CAMSAP2: variants seen among roughly 807,000 people sequenced by gnomAD.
The protein encoded by CAMSAP2 is calmodulin-regulated spectrin-associated protein 2.
In CAMSAP2, 26 loss-of-function variants were observed where a neutral mutation model predicts 146.1. The ratio of observed to expected loss-of-function variants is 0.18; its 90% CI spans 0.13 to 0.25. The LOEUF (loss-of-function observed/expected upper bound fraction) is 0.25, where lower values mean the gene tolerates loss of function less well. Ranked by LOEUF, CAMSAP2 falls within the 10% of genes least tolerant of loss-of-function variation. The probability of loss-of-function intolerance (pLI) is 1.00; values close to 1 mark genes in which losing one functional copy is unlikely to be tolerated. For synonymous variants in CAMSAP2, 499 were observed against 596.6 expected, an observed-to-expected ratio of 0.84 and a Z score of 2.38; for missense variants, 1,381 against 1,759.3, an observed-to-expected ratio of 0.78 and a Z score of 3.85.
chr1:200,818,472 G>A (rs982255635), intron 4 of CAMSAP2, among the ~76,000 whole-genome samples: 5 of 152,110 alleles, frequency 3.3e-5, no homozygotes, highest in Non-Finnish European at 7.4e-5. Flanking sequence ...TATTTGATTA[G>A]TATACACTTG....
At chr1:200,819,611 C>T in intron 4 of CAMSAP2, among the ~76,000 whole-genome samples, 1 of 152,044 alleles carries the variant, frequency 6.6e-6, no homozygotes, top group East Asian at 1.9e-4. Context: ...CTTGACCTCT[C>T]TGGGCCTTGG....
intron 8 of CAMSAP2, 42 bp from the exon 9 acceptor site, chr1:200,847,168 A>G: frequency 7.0e-7 from 1 of 1,425,700 alleles, no homozygotes; most frequent in Non-Finnish European, 9.7e-7. Context: ...ATTTATATTA[A>G]ACAGCTAAAA....
chr1:200,779,147 A>G lies in CAMSAP2; in HGVS notation c.399+18049A>G, dbSNP rs576241464. ...TTTCCCTATTAATGAATATAGGTCT[A>G]TACCATGATTTTTGAAGGCTGCACA... On this transcript the variant is annotated intron_variant, in intron 2 of 16. Transcript: ENST00000358823. Among the ~76,000 whole-genome samples the G allele has an allele frequency of 1.2e-4, 19 of 152,318 alleles. No individual in the cohort carries two copies. In the South Asian group the frequency reaches 3.9e-3, roughly 32 times the overall value.
chr1:200,816,605 AATATAT>A lies in CAMSAP2; in HGVS notation c.645+976_645+981del, dbSNP rs1185236373. ...GCAAAACTTCATCTCAAAAAAAAAA[AATATAT>A]ATATATATATATATGTATATATATA... On this transcript the variant is annotated intron_variant, in intron 4 of 16. Transcript: ENST00000358823. 3.8e-4 allele frequency among the ~76,000 whole-genome samples: 42 copies of A among 111,194 alleles called. 1 individual carries two copies. The highest frequency in any genetic ancestry group is 0.011 in the Middle Eastern group (2 of 190). 72.9% of individuals were successfully genotyped at this position (111,194 alleles called of 152,430 possible).
chr1:200,827,579 T>A (rs969022632), intron 4 of CAMSAP2, among the ~76,000 whole-genome samples: 5 of 152,138 alleles, frequency 3.3e-5, no homozygotes, highest in Non-Finnish European at 7.4e-5. Flanking sequence ...ATAAGAAAAA[T>A]TTATTGGAAA....
chr1:200,739,721 G>C lies in CAMSAP2; in HGVS notation c.-107G>C. On this transcript the variant is annotated 5_prime_UTR_variant, in exon 1 of 17. Coordinates refer to ENST00000358823, the MANE Select transcript of CAMSAP2 (RefSeq NM_203459.4). This position sits in a 1 kb window ranked among gnomAD's most constrained non-coding sequence, Gnocchi z 4.8. ...CGGCGCCCGGGCGGACATCGCCCGG[G>C]CCCCGATGGTTTGAGCTTGCTTCTC... 1 of 1,175,238 alleles carries C rather than the reference G, an allele frequency of 8.5e-7. No homozygotes were observed. 72.8% of individuals were successfully genotyped at this position (1,175,238 alleles called of 1,614,324 possible).
chr1:200,848,777 A>G lies in CAMSAP2; in HGVS notation c.2008A>G (p.Thr670Ala). The change falls in exon 11 of 17, where the codon ACC (threonine) becomes GCC (alanine). Residue 670 changes from threonine to alanine, a missense_variant. Thr to Ala is a moderately conservative substitution (Grantham distance 58, BLOSUM62 0). This residue lies in a region of CAMSAP2 where 447 missense variants were observed against 462.2 expected (regional missense o/e 0.97). Coordinates refer to ENST00000358823, the MANE Select transcript of CAMSAP2 (RefSeq NM_203459.4). ...ALSPCPSTVS[T>A]KSQPGSSASS... ...GAGTCCTTGTCCAAGTACTGTAAGT[A>G]CCAAGTCTCAGCCAGGCAGCAGTGC... is the stretch of plus-strand genomic sequence containing the variant. The G allele has an allele frequency of 6.2e-7, 1 of 1,614,192 alleles. No homozygotes were observed. Among genetic ancestry groups the G allele is most frequent in the Non-Finnish European group, 8.5e-7 (1 of 1,180,010 alleles).
At chr1:200,781,903 T>G (rs559597244) in intron 2 of CAMSAP2, among the ~76,000 whole-genome samples, 185 of 152,296 alleles carry the variant, frequency 1.2e-3, no homozygotes, top group African/African-American at 4.2e-3. Flanking sequence ...TACATGTCTT[T>G]GATGGCTCAT....
chr1:200,739,827 G>A lies in CAMSAP2; in HGVS notation c.-1G>A, dbSNP rs1228753749. The A allele has an allele frequency of 1.9e-6, 3 of 1,613,456 alleles. No individual in the cohort carries two copies. The South Asian group carries it at 3.3e-5, about 18-fold the overall frequency. On this transcript the variant is annotated 5_prime_UTR_variant, in exon 1 of 17. Transcript: ENST00000358823. The surrounding 1 kb of genome is among the most constrained non-coding windows in gnomAD (Gnocchi z 4.8). ...GACATCCCGAGGAGCCGCGGTGAAA[G>A]ATGGGGGATGCTGCAGACCCCAGGG...
intron 2 of CAMSAP2, among the ~76,000 whole-genome samples, chr1:200,794,453 T>C (rs575956352): frequency 1.3e-5 from 2 of 152,352 alleles, no homozygotes; most frequent in African/African-American, 4.8e-5. Context: ...GAATGTTATT[T>C]AGAAACCATG....
At chr1:200,821,070 A>C (rs191451934) in intron 4 of CAMSAP2, among the ~76,000 whole-genome samples, 2 of 152,098 alleles carry the variant, frequency 1.3e-5, no homozygotes. Context: ...ATTTTAGTTA[A>C]CTGTGAAGAC....
intron 2 of CAMSAP2, among the ~76,000 whole-genome samples, chr1:200,786,695 C>T (rs986093165): frequency 7.2e-5 from 11 of 152,112 alleles, no homozygotes; most frequent in Non-Finnish European, 1.5e-4. Context: ...GCAAGATTTT[C>T]GATGTAGATG....
Position 200,852,557 on chromosome 1 carries a change from A to C in CAMSAP2, c.3482A>C (p.Glu1161Ala). 6.2e-7 allele frequency: 1 copy of C among 1,612,574 alleles called. No homozygotes were observed. Among genetic ancestry groups the C allele is most frequent in the Non-Finnish European group, 8.5e-7 (1 of 1,179,598 alleles). The change falls in exon 12 of 17, where the codon GAA (glutamate) becomes GCA (alanine). Residue 1161 changes from glutamate (E) to alanine (A), a missense_variant. By Grantham distance (107) the Glu-to-Ala change is moderately radical. Transcript: ENST00000358823. ...CGTTCTTAGGATGATCAAAAAGCAG[A>C]AAATGATATGGCAATGAAACGGGCA... ...GFFFKDDQKA[E>A]NDMAMKRAAL...
At position 200,816,860 on chromosome 1, in the gene CAMSAP2, GTGTA is replaced by G. The variant is rs1368151717; in HGVS notation, c.645+1220_645+1223del. Among the ~76,000 whole-genome samples, 2 of 55,870 alleles carry G rather than the reference GTGTA, an allele frequency of 3.6e-5. 1 individual carries two copies. The highest frequency in any genetic ancestry group is 6.1e-5 in the Non-Finnish European group (2 of 32,604). The allele number at this position is 55,870 out of a possible 152,430, so 36.7% of individuals were successfully genotyped here. A position where few individuals can be genotyped will look rare whatever the true frequency, so the allele number is the denominator to read the frequency against. ...TGTATGTGTGTACACACACACGCGT[GTGTA>G]TGTGTGTACACACACACGCGTGTGT... On this transcript the variant is annotated intron_variant, in intron 4 of 16. Coordinates refer to ENST00000358823, the MANE Select transcript of CAMSAP2 (RefSeq NM_203459.4).
chr1:200,781,957 C>T (rs1344950418), intron 2 of CAMSAP2, among the ~76,000 whole-genome samples: 1 of 152,020 alleles, frequency 6.6e-6, no homozygotes. Flanking sequence ...AAGAAATTTC[C>T]TAATTTATTT....
At chr1:200,750,385 A>G (rs2102990862) in intron 1 of CAMSAP2, among the ~76,000 whole-genome samples, 1 of 152,304 alleles carries the variant, frequency 6.6e-6, no homozygotes, top group South Asian at 2.1e-4. Context: ...AAAGATCATC[A>G]AGTTTGGGAG....
intron 1 of CAMSAP2, among the ~76,000 whole-genome samples, chr1:200,752,842 C>T (rs901502298): frequency 2.0e-5 from 3 of 152,034 alleles, no homozygotes; most frequent in Non-Finnish European, 4.4e-5. Flanking sequence ...TGGTCTCGAT[C>T]TCCTGACCTT....
chr1:200,771,597 AT>A (rs1665119353), intron 2 of CAMSAP2, among the ~76,000 whole-genome samples: 2 of 152,274 alleles, frequency 1.3e-5, no homozygotes, highest in Admixed American at 1.3e-4. Context: ...GAGGTGGATA[AT>A]TCCTTATTTT....
rs1319462861 is a variant in CAMSAP2 at position 200,858,174 on chromosome 1, TA to T, written c.*117del. On this transcript the variant is annotated 3_prime_UTR_variant, in exon 17 of 17. Coordinates refer to ENST00000358823, the MANE Select transcript of CAMSAP2 (RefSeq NM_203459.4). ...ACTTTTATTAATTAAAACTGGACAT[TA>T]AGCTCTGTTGTCATGAACAACTGGA... The T allele has an allele frequency of 1.1e-6, 1 of 901,610 alleles. No homozygotes were observed. The highest frequency in any genetic ancestry group is 1.7e-6 in the Non-Finnish European group (1 of 600,866). 55.9% of individuals were successfully genotyped at this position (901,610 alleles called of 1,614,324 possible).
Sources: allele counts gnomAD v4.1 joint callset (sites outside exome capture counted in the v4.1 genomes callset), GRCh38; gene constraint gnomAD v4.1.1; regional missense constraint gnomAD v4.1.1; non-coding constraint Gnocchi (gnomAD v3.1); transcripts MANE v1.5; gene names NCBI Gene and HGNC (gene_info 2026-07-23, HGNC 2026-07-21).